Variants in ITGA2 observed in about 807,000 individuals in gnomAD.
The protein encoded by ITGA2 is integrin subunit alpha 2, also known as integrin alpha-2.
ITGA2 carries 101 observed loss-of-function variants against 146.3 expected under a neutral mutation model. The ratio of observed to expected loss-of-function variants is 0.69; its 90% CI spans 0.59 to 0.81. The LOEUF (loss-of-function observed/expected upper bound fraction) is 0.81, where lower values mean the gene tolerates loss of function less well. Ranked by LOEUF, ITGA2 falls within the 40% of genes least tolerant of loss-of-function variation. The pLI is 0.00. For synonymous variants in ITGA2, 477 were observed against 487.1 expected, an observed-to-expected ratio of 0.98 and a Z score of 0.27; for missense variants, 1,281 against 1,402.7, an observed-to-expected ratio of 0.91 and a Z score of 1.39.
chr5:53,046,673 G>A (rs897779852), intron 4 of ITGA2, among the ~76,000 whole-genome samples: 2 of 151,576 alleles, frequency 1.3e-5, no homozygotes, highest in African/African-American at 2.4e-5. Context: ...AGTCCAGGTA[G>A]CAAGCAGAGA....
At position 52,989,379 on chromosome 5, in the gene ITGA2, G is replaced by A. The variant is rs1740794422; in HGVS notation, c.-90G>A. On this transcript the variant is annotated 5_prime_UTR_variant, in exon 1 of 30. The change creates a new upstream start codon in the 5' untranslated region. Transcript: ENST00000296585. ...AGAAGCCCTCTGGACAGCTTCTAGAGTGTGCAGGTTCTCGTATCCCTCGGC... is the reference window on the plus strand; with the variant it reads ...AGAAGCCCTCTGGACAGCTTCTAGAATGTGCAGGTTCTCGTATCCCTCGGC... 2 of 1,334,032 alleles carry A rather than the reference G, an allele frequency of 1.5e-6. No individual in the cohort carries two copies. The highest frequency in any genetic ancestry group is 1.1e-6 in the Non-Finnish European group (1 of 926,572). The allele number at this position is 1,334,032 out of a possible 1,614,324, so 82.6% of individuals were successfully genotyped here. A position where few individuals can be genotyped will look rare whatever the true frequency, so the allele number is the denominator to read the frequency against.
intron 1 of ITGA2, among the ~76,000 whole-genome samples, chr5:53,004,035 G>A (rs999687006): frequency 6.6e-6 from 1 of 151,926 alleles, no homozygotes; most frequent in African/African-American, 2.4e-5. Context: ...AGGTAGGCTG[G>A]GGGTGTCTGG....
At chr5:53,036,909 C>T (rs374118285) in intron 2 of ITGA2, among the ~76,000 whole-genome samples, 5 of 152,072 alleles carry the variant, frequency 3.3e-5, no homozygotes, top group East Asian at 1.9e-4. Flanking sequence ...GGGTTGTGTA[C>T]CATTTCAGTC....
rs879005123 is a variant in ITGA2, at chr5:53,073,460, T to C, written c.2571+201T>C. Among the ~76,000 whole-genome samples, 5 of 151,780 alleles carry C rather than the reference T, an allele frequency of 3.3e-5. No homozygotes were observed. The South Asian group carries it at 8.3e-4, about 25-fold the overall frequency. On this transcript the variant is annotated intron_variant, in intron 20 of 29. Coordinates refer to ENST00000296585, the MANE Select transcript of ITGA2 (RefSeq NM_002203.4). ...GATTCTGCTTGACAGCTTGGGTCAG[T>C]TTTTCCCTTATCCTGAGACTTGGCA...
chr5:53,090,259 C>CA (rs1191811586), intron 29 of ITGA2, among the ~76,000 whole-genome samples, 197 bp downstream of exon 29: 1 of 152,196 alleles, frequency 6.6e-6, no homozygotes, highest in East Asian at 1.9e-4. Context: ...ACCTTCCTTT[C>CA]ATCCAGAGCC....
intron 12 of ITGA2, among the ~76,000 whole-genome samples, 173 bp downstream of exon 12, chr5:53,061,219 C>T (rs1744893254): frequency 6.6e-6 from 1 of 151,868 alleles, no homozygotes; most frequent in South Asian, 2.1e-4. Flanking sequence ...ACCAAGAAGA[C>T]AGCCCTCCCT....
Position 53,093,116 on chromosome 5 carries a change from CAAAA to C in ITGA2, c.*2523_*2526del, listed in dbSNP as rs35440530. On this transcript the variant is annotated 3_prime_UTR_variant, in exon 30 of 30. Transcript: ENST00000296585. The stretch of plus-strand genomic sequence containing the variant: ...CAAGACTCTGTCTCAAACAAACAAA[CAAAA>C]AAAAAGTTAGTACTGTATATGTAAA... 8 of 114,070 alleles carry C rather than the reference CAAAA, an allele frequency of 7.0e-5. No homozygotes were observed. The highest frequency in any genetic ancestry group is 6.5e-4 in the East Asian group (3 of 4,598). 7.1% of individuals were successfully genotyped at this position (114,070 alleles called of 1,614,324 possible).
rs1745459279 is a variant in ITGA2 at position 53,072,709 on chromosome 5, T to G, written c.2429+14T>G. The stretch of plus-strand genomic sequence containing the variant: ...ACCAGCTGCTCAGTAAGTTTTACTT[T>G]AAAGCTTGTTGTAAAATGTAGAAAT... On this transcript the variant is annotated intron_variant, in intron 19 of 29. Coordinates refer to ENST00000296585, the MANE Select transcript of ITGA2 (RefSeq NM_002203.4). The G allele has an allele frequency of 6.3e-7, 1 of 1,585,410 alleles. No individual in the cohort carries two copies. Among genetic ancestry groups the G allele is most frequent in the Non-Finnish European group, 8.6e-7 (1 of 1,156,932 alleles).
chr5:53,030,216 A>G (rs1354352068), intron 2 of ITGA2, among the ~76,000 whole-genome samples: 1 of 152,230 alleles, frequency 6.6e-6, no homozygotes, highest in Non-Finnish European at 1.5e-5. Flanking sequence ...AGTATCCAAG[A>G]CATTGTTGAA....
At chr5:52,993,447 G>A (rs1014111310) in intron 1 of ITGA2, among the ~76,000 whole-genome samples, 2 of 152,098 alleles carry the variant, frequency 1.3e-5, no homozygotes, top group Non-Finnish European at 2.9e-5. Context: ...TATCATCACT[G>A]CCTCCCCACT....
chr5:53,047,526 C>G (rs3212476), intron 4 of ITGA2, among the ~76,000 whole-genome samples: 103,920 of 152,028 alleles, frequency 0.68, 35,999 homozygotes, highest in Admixed American at 0.74. Flanking sequence ...TGGGAAGTGG[C>G]CAAAGTTAAA....
Position 53,070,194 on chromosome 5 carries a change from G to C in ITGA2, c.2169G>C (p.Arg723Ser). Residue 723 changes from arginine (R) to serine (S), a missense_variant, in exon 17 of 30, where the codon AGG becomes AGC. Transcript: ENST00000296585. ...SRGLFKENNE[R>S]CLQKNMVVNQ... The stretch of plus-strand genomic sequence containing the variant: ...GGTTATTTAAAGAAAACAATGAAAG[G>C]TGCCTGCAGAAGAATATGGTAGTAA... The C allele has an allele frequency of 6.2e-7, 1 of 1,611,984 alleles. No individual in the cohort carries two copies. The highest frequency in any genetic ancestry group is 8.5e-7 in the Non-Finnish European group (1 of 1,178,708).
intron 18 of ITGA2, 29 bp from the exon 19 acceptor site, chr5:53,072,584 A>G (rs766765718): frequency 1.3e-6 from 2 of 1,567,900 alleles, no homozygotes; most frequent in Admixed American, 3.4e-5. Context: ...CCAAGAGCAA[A>G]TGTATGGATC....
chr5:53,069,967 G>A, intron 16 of ITGA2, 142 bp from the exon 17 acceptor site: 1 of 683,452 alleles, frequency 1.5e-6, no homozygotes. Context: ...GCTAGCTATG[G>A]TTCACAAGCC....
At chr5:53,058,333 T>C (rs1436780286) in intron 10 of ITGA2, among the ~76,000 whole-genome samples, 1 of 151,846 alleles carries the variant, frequency 6.6e-6, no homozygotes, top group African/African-American at 2.4e-5. Flanking sequence ...ACTGATAGTA[T>C]ACCAGAAAGT....
At chr5:52,992,368 C>T (rs1434644848) in intron 1 of ITGA2, among the ~76,000 whole-genome samples, 1 of 152,136 alleles carries the variant, frequency 6.6e-6, no homozygotes, top group Non-Finnish European at 1.5e-5. Flanking sequence ...CAGCCAGCCT[C>T]CCCTTCTGAG....
chr5:53,011,464 C>T (rs1742122560), intron 1 of ITGA2, among the ~76,000 whole-genome samples: 1 of 152,102 alleles, frequency 6.6e-6, no homozygotes, highest in Non-Finnish European at 1.5e-5. Flanking sequence ...CGCTATGTTG[C>T]TGGTCATCCT....
At position 53,062,934 on chromosome 5, in the gene ITGA2, A is replaced by G. The variant is rs762072070; in HGVS notation, c.1602+5A>G. ...TACCTGTTTACTATCAAAGAGGTAAAAAAAAAAAAATAAACTAATAGTTTA... is the reference window on the plus strand; with the variant it reads ...TACCTGTTTACTATCAAAGAGGTAAGAAAAAAAAAATAAACTAATAGTTTA... On this transcript the variant is annotated splice_donor_5th_base_variant and intron_variant, in intron 13 of 29. Transcript: ENST00000296585. 4 of 1,593,836 alleles carry G rather than the reference A, an allele frequency of 2.5e-6. No individual in the cohort carries two copies. Among genetic ancestry groups the G allele is most frequent in the Non-Finnish European group, 3.4e-6 (4 of 1,166,264 alleles).
At chr5:53,038,728 G>A (rs1233083357) in intron 2 of ITGA2, among the ~76,000 whole-genome samples, 2 of 152,178 alleles carry the variant, frequency 1.3e-5, no homozygotes, top group Non-Finnish European at 1.5e-5. Context: ...ATGGGAACAT[G>A]AGCAAGTCAC....
Sources: allele counts gnomAD v4.1 joint callset (sites outside exome capture counted in the v4.1 genomes callset), GRCh38; gene constraint gnomAD v4.1.1; transcripts MANE v1.5; gene names NCBI Gene and HGNC (gene_info 2026-07-23, HGNC 2026-07-21).